RBFOX1: variants seen among roughly 807,000 people sequenced by gnomAD.
RBFOX1 encodes the protein RNA binding fox-1 homolog 1, also known as RNA binding protein fox-1 homolog 1.
A neutral mutation model predicts 57.7 loss-of-function variants in RBFOX1; 8 were observed. The observed-to-expected ratio is 0.14, with a 90% CI of 0.08 to 0.25. The LOEUF (loss-of-function observed/expected upper bound fraction) is 0.25. Ranked by LOEUF, RBFOX1 falls within the 10% of genes least tolerant of loss-of-function variation. RBFOX1 has a pLI of 1.00. For synonymous variants in RBFOX1, 326 were observed against 222.4 expected, an observed-to-expected ratio of 1.47 and a Z score of -4.15; for missense variants, 611 against 548.5, an observed-to-expected ratio of 1.11 and a Z score of -1.14.
chr16:6,266,999 C>T (rs2074591020), intron 1 of RBFOX1, among the ~76,000 whole-genome samples: 1 of 152,192 alleles, frequency 6.6e-6, no homozygotes, highest in South Asian at 2.1e-4. Flanking sequence ...AAAGAGATTT[C>T]TGGCTCCACC....
chr16:6,174,486 T>G (rs1047182223), intron 1 of RBFOX1, among the ~76,000 whole-genome samples: 5 of 152,110 alleles, frequency 3.3e-5, no homozygotes, highest in Non-Finnish European at 5.9e-5. Context: ...TCCCAACTAT[T>G]GGGGAGGCTG....
chr16:6,549,151 AGGAGGGGGGGGGAAGG>A (rs2096937246), intron 2 of RBFOX1, among the ~76,000 whole-genome samples: 1 of 5,058 alleles, frequency 2.0e-4, no homozygotes, highest in Non-Finnish European at 3.1e-4. Context: ...GGAGGGAAGG[AGGAGGGGGGGGGAAGG>A]AGGAGGAGGG....
intron 4 of RBFOX1, among the ~76,000 whole-genome samples, chr16:7,156,654 A>T (rs902465145): frequency 6.6e-6 from 1 of 152,212 alleles, no homozygotes; most frequent in East Asian, 1.9e-4. Context: ...AATACACTAC[A>T]TTTAATTTTT....
intron 1 of RBFOX1, among the ~76,000 whole-genome samples, chr16:5,272,466 G>A (rs1353449432): frequency 1.3e-5 from 2 of 152,192 alleles, no homozygotes; most frequent in African/African-American, 2.4e-5. Flanking sequence ...GTCCACGAAT[G>A]TTGAAGCCCT....
intron 3 of RBFOX1, among the ~76,000 whole-genome samples, chr16:6,787,807 A>G (rs1377780558): frequency 6.6e-6 from 1 of 152,246 alleles, no homozygotes; most frequent in Admixed American, 6.5e-5. Flanking sequence ...AATACAACTT[A>G]ATCCACGTCT....
chr16:6,791,569 G>C (rs2082950868), intron 3 of RBFOX1, among the ~76,000 whole-genome samples: 1 of 152,150 alleles, frequency 6.6e-6, no homozygotes, highest in Admixed American at 6.5e-5. Context: ...AACCAACCTG[G>C]CCAACATGGT....
At chr16:7,616,832 C>G (rs1423766000) in intron 10 of RBFOX1, among the ~76,000 whole-genome samples, 2 of 151,894 alleles carry the variant, frequency 1.3e-5, no homozygotes, top group African/African-American at 4.8e-5. Context: ...ATGGCTGGCG[C>G]AAAAATAGTT....
intron 4 of RBFOX1, among the ~76,000 whole-genome samples, chr16:7,151,069 G>C (rs1461839750): frequency 6.6e-6 from 1 of 152,194 alleles, no homozygotes; most frequent in African/African-American, 2.4e-5. Flanking sequence ...TCAAATGACA[G>C]AGGCTGTTAA....
intron 3 of RBFOX1, among the ~76,000 whole-genome samples, chr16:6,810,948 A>G (rs1208132495): frequency 1.3e-5 from 2 of 152,204 alleles, no homozygotes; most frequent in African/African-American, 4.8e-5. Flanking sequence ...GCTTCCAACC[A>G]TACACGTAAC....
At chr16:6,140,187 CT>C (rs5815288) in intron 1 of RBFOX1, among the ~76,000 whole-genome samples, 40,500 of 137,096 alleles carry the variant, frequency 0.3, 5,142 homozygotes, top group Non-Finnish European at 0.39. Context: ...CTGGAAATGA[CT>C]TTTTTTTTTT....
Position 7,555,401 on chromosome 16 carries a change from C to T in RBFOX1, c.271-24376C>T, listed in dbSNP as rs148958786. On this transcript the variant is annotated intron_variant, in intron 5 of 15. Transcript: ENST00000550418. ...AGTTAATAGACACCAGTGTTACCTT[C>T]CTCGTTCTGATAAATGCACGTAGTT... Among the ~76,000 whole-genome samples, 799 of 152,276 alleles carry T rather than the reference C, an allele frequency of 5.2e-3. 3 individuals carry two copies. Among genetic ancestry groups the T allele is most frequent in the Non-Finnish European group, 7.4e-3 (505 of 68,038 alleles).
At chr16:5,820,091 A>C (rs1289580566) in intron 3 of RBFOX1, among the ~76,000 whole-genome samples, 1 of 152,124 alleles carries the variant, frequency 6.6e-6, no homozygotes, top group Non-Finnish European at 1.5e-5. Context: ...CTGCACTATA[A>C]ATGCACTTTT....
Position 7,022,684 on chromosome 16 carries a change from C to T in RBFOX1, c.-15-29373C>T, listed in dbSNP as rs955108348. Among the ~76,000 whole-genome samples, 10 of 151,892 alleles carry T rather than the reference C, an allele frequency of 6.6e-5. No individual in the cohort carries two copies. In the Middle Eastern group the frequency reaches 0.014, roughly 208 times the overall value. On this transcript the variant is annotated intron_variant, in intron 3 of 15. Transcript: ENST00000550418. ...AGAGCTGACATGTAGCAGATGAAAG[C>T]AGAAAAAGAGAAAAAAAGGTAAGTA...
intron 13 of RBFOX1, among the ~76,000 whole-genome samples, chr16:7,674,767 C>A (rs2072757548): frequency 6.6e-6 from 1 of 152,176 alleles, no homozygotes. Flanking sequence ...CTATACATAA[C>A]CTACTAGTCA....
At chr16:6,104,120 T>A (rs1351590968) in intron 1 of RBFOX1, among the ~76,000 whole-genome samples, 1 of 147,618 alleles carries the variant, frequency 6.8e-6, no homozygotes, top group East Asian at 1.9e-4. Flanking sequence ...ATCATAGGTT[T>A]CTCCCAGTTG....
chr16:5,341,311 G>A (rs1416325023), intron 1 of RBFOX1, among the ~76,000 whole-genome samples: 7 of 152,186 alleles, frequency 4.6e-5, no homozygotes, highest in Non-Finnish European at 1.0e-4. Flanking sequence ...TTTATATTGA[G>A]TAATACTGGA....
intron 1 of RBFOX1, among the ~76,000 whole-genome samples, chr16:5,275,413 T>A (rs1223209480): frequency 6.6e-6 from 1 of 152,178 alleles, no homozygotes; most frequent in Non-Finnish European, 1.5e-5. Context: ...GCAACCAGGC[T>A]GAGAATCAAA....
chr16:6,027,294 G>A (rs980361783), intron 1 of RBFOX1, among the ~76,000 whole-genome samples: 37 of 152,162 alleles, frequency 2.4e-4, no homozygotes, highest in African/African-American at 8.9e-4. Context: ...CTGAGGCCCA[G>A]TGACTAAATG....
chr16:7,194,712 G>C (rs1431568268), intron 4 of RBFOX1, among the ~76,000 whole-genome samples: 3 of 152,060 alleles, frequency 2.0e-5, no homozygotes, highest in Non-Finnish European at 2.9e-5. Flanking sequence ...TGGATTGCCT[G>C]AGCCCTGGAG....
Sources: gnomAD v4.1 joint callset for allele counts (sites outside exome capture counted in the v4.1 genomes callset) on GRCh38, gnomAD v4.1.1 for gene constraint, MANE v1.5 for transcripts, NCBI Gene and HGNC (gene_info 2026-07-23, HGNC 2026-07-21) for gene names.